The following PTPRM variants were observed in gnomAD, a reference collection of about 807,000 sequenced individuals.
PTPRM encodes protein tyrosine phosphatase receptor type M.
In PTPRM, 47 loss-of-function variants were observed where a neutral mutation model predicts 186.7. That is an observed-to-expected ratio of 0.25 (90% CI 0.20 to 0.32). PTPRM has a LOEUF of 0.32. PTPRM is among the 10% of genes least tolerant of loss of function. PTPRM has a pLI of 1.00. For missense variants in PTPRM, 1,494 were observed against 1,865.0 expected (o/e 0.80, Z 3.66); for synonymous variants, 668 against 674.9 (o/e 0.99, Z 0.16).
intron 1 of PTPRM, among the ~76,000 whole-genome samples, chr18:7,748,101 C>T (rs1209782311): frequency 4.6e-5 from 7 of 152,068 alleles, no homozygotes; most frequent in Non-Finnish European, 2.9e-5. Flanking sequence ...TTTCCTAGTC[C>T]CTCTTGCAGT....
chr18:8,093,372 G>T (rs1190950538), intron 11 of PTPRM, among the ~76,000 whole-genome samples: 2 of 152,100 alleles, frequency 1.3e-5, no homozygotes, highest in African/African-American at 4.8e-5. Context: ...TGCCTTAGCA[G>T]TAGTTCTCAT....
chr18:7,777,785 T>G (rs1365646288), intron 2 of PTPRM, among the ~76,000 whole-genome samples: 1 of 152,200 alleles, frequency 6.6e-6, no homozygotes, highest in African/African-American at 2.4e-5. Context: ...TTGAAAAGCA[T>G]CGTGATGTGA....
At chr18:8,406,071 A>C in intron 32 of PTPRM, 38 bp from the exon 33 acceptor site, 1 of 1,595,174 alleles carries the variant, frequency 6.3e-7, no homozygotes, top group Non-Finnish European at 8.6e-7. Context: ...CAGCGTTGAG[A>C]TATTCTTGAG....
intron 7 of PTPRM, among the ~76,000 whole-genome samples, chr18:8,041,931 G>A (rs937237270): frequency 6.6e-6 from 1 of 152,208 alleles, no homozygotes; most frequent in African/African-American, 2.4e-5. Context: ...ATGTGCAGTT[G>A]TAAAAACTGC....
chr18:8,019,069 C>T (rs907330024), intron 7 of PTPRM, among the ~76,000 whole-genome samples: 1 of 152,120 alleles, frequency 6.6e-6, no homozygotes, highest in Non-Finnish European at 1.5e-5. Flanking sequence ...TAGAAAAGCA[C>T]TGAATAAAAA....
At chr18:8,374,683 T>C (rs1426964186) in intron 24 of PTPRM, among the ~76,000 whole-genome samples, 1 of 152,262 alleles carries the variant, frequency 6.6e-6, no homozygotes, top group Non-Finnish European at 1.5e-5. Flanking sequence ...CCCCGACTGC[T>C]TAATTCCTTA....
chr18:8,257,926 G>C (rs116897582), intron 19 of PTPRM, among the ~76,000 whole-genome samples: 4 of 152,286 alleles, frequency 2.6e-5, no homozygotes, highest in African/African-American at 4.8e-5. Context: ...AAGTATGTCC[G>C]AACAAGAGCA....
At chr18:7,778,869 A>G (rs766127667) in intron 2 of PTPRM, among the ~76,000 whole-genome samples, 40 of 152,150 alleles carry the variant, frequency 2.6e-4, no homozygotes, top group Non-Finnish European at 4.7e-4. Flanking sequence ...TTTTGTTAGC[A>G]CTGTTACATC....
At chr18:8,282,517 C>T (rs2094914669) in intron 19 of PTPRM, among the ~76,000 whole-genome samples, 1 of 152,082 alleles carries the variant, frequency 6.6e-6, no homozygotes. Context: ...CAAAAATTAG[C>T]TGGGTGTGGT....
At chr18:8,343,562 C>T in intron 23 of PTPRM, 42 bp downstream of exon 23, 1 of 1,579,186 alleles carries the variant, frequency 6.3e-7, no homozygotes, top group Non-Finnish European at 8.7e-7. Context: ...TTGTTCCTTG[C>T]TTAGTTGGTA....
rs537602406 is a variant in PTPRM at position 7,850,992 on chromosome 18, T to C, written c.197-37114T>C. On this transcript the variant is annotated intron_variant, in intron 2 of 32. Transcript: ENST00000580170. ...AACAATGATTAAAATATTTAGAGAA[T>C]TGAATGACAAATGGAATAATTTCAT... is the stretch of plus-strand genomic sequence containing the variant. 3.3e-5 allele frequency among the ~76,000 whole-genome samples: 5 copies of C among 152,260 alleles called. No individual in the cohort carries two copies. The South Asian group carries it at 1.0e-3, about 32-fold the overall frequency.
At chr18:7,915,336 CT>C (rs796656351) in intron 4 of PTPRM, among the ~76,000 whole-genome samples, 17 of 152,074 alleles carry the variant, frequency 1.1e-4, no homozygotes, top group African/African-American at 4.1e-4. Context: ...ACAAGTGGGC[CT>C]GTAAATTTGG....
chr18:7,672,482 AG>A (rs2039240276), intron 1 of PTPRM, among the ~76,000 whole-genome samples: 1 of 152,070 alleles, frequency 6.6e-6, no homozygotes, highest in Admixed American at 6.6e-5. Context: ...GAACCCCAAA[AG>A]GAACAAAAAG....
At chr18:8,324,289 G>C (rs534929743) in intron 22 of PTPRM, among the ~76,000 whole-genome samples, 1 of 152,264 alleles carries the variant, frequency 6.6e-6, no homozygotes, top group South Asian at 2.1e-4. Context: ...ATAATCGTTA[G>C]TATTTTGAAC....
chr18:7,719,468 C>T (rs1207119771), intron 1 of PTPRM, among the ~76,000 whole-genome samples: 3 of 152,062 alleles, frequency 2.0e-5, no homozygotes, highest in African/African-American at 4.8e-5. Context: ...ACCAAAATCT[C>T]AGAAATCACC....
chr18:8,376,774 A>C, intron 26 of PTPRM, 177 bp downstream of exon 26: 1 of 715,854 alleles, frequency 1.4e-6, no homozygotes, highest in Non-Finnish European at 2.1e-6. Flanking sequence ...TTCCTCTCAT[A>C]AACAAACCAA....
intron 2 of PTPRM, among the ~76,000 whole-genome samples, chr18:7,828,229 T>C (rs1182939135): frequency 6.6e-6 from 1 of 151,944 alleles, no homozygotes; most frequent in Non-Finnish European, 1.5e-5. Context: ...GAATTCTTTT[T>C]TTTTTCTTTT....
chr18:7,570,850 T>C (rs1181975551), intron 1 of PTPRM, among the ~76,000 whole-genome samples: 1 of 152,102 alleles, frequency 6.6e-6, no homozygotes, highest in African/African-American at 2.4e-5. Context: ...ACATCAGAAA[T>C]AGAATGCTAA....
intron 7 of PTPRM, among the ~76,000 whole-genome samples, chr18:7,966,594 TGC>T (rs1160445162): frequency 4.8e-5 from 7 of 144,340 alleles, no homozygotes; most frequent in East Asian, 2.0e-4. Context: ...GGTCAGTGGG[TGC>T]GCGCACCGTG....
Sources: gnomAD v4.1 joint callset for allele counts (sites outside exome capture counted in the v4.1 genomes callset) on GRCh38, gnomAD v4.1.1 for gene constraint, MANE v1.5 for transcripts, NCBI Gene and HGNC (gene_info 2026-07-23, HGNC 2026-07-21) for gene names.